The following C8orf34 variants were observed in gnomAD, a reference collection of about 807,000 sequenced individuals.
C8orf34 encodes the protein uncharacterized protein C8orf34.
A neutral mutation model predicts 68.3 loss-of-function variants in C8orf34; 65 were observed. That is an observed-to-expected ratio of 0.95 (90% CI 0.78 to 1.17). The LOEUF (loss-of-function observed/expected upper bound fraction) is 1.17, where lower values mean the gene tolerates loss of function less well. Ranked by LOEUF, C8orf34 falls within the 50% of genes most tolerant of loss-of-function variation. The pLI is 0.00. For synonymous variants in C8orf34, 244 were observed against 241.2 expected, an observed-to-expected ratio of 1.01 and a Z score of -0.11; for missense variants, 664 against 655.4, an observed-to-expected ratio of 1.01 and a Z score of -0.14.
intron 8 of C8orf34, among the ~76,000 whole-genome samples, chr8:68,689,234 G>T (rs1041136335): frequency 1.3e-5 from 2 of 151,946 alleles, no homozygotes; most frequent in African/African-American, 4.8e-5. Context: ...GGACTTTGTG[G>T]ACTCGATGGA....
At chr8:68,713,672 C>T (rs973404687) in intron 9 of C8orf34, among the ~76,000 whole-genome samples, 3 of 151,956 alleles carry the variant, frequency 2.0e-5, no homozygotes, top group Non-Finnish European at 2.9e-5. Flanking sequence ...AAAAAAATTG[C>T]CAATAAAAAT....
intron 1 of C8orf34, among the ~76,000 whole-genome samples, chr8:68,374,886 G>T (rs188295510): frequency 6.6e-6 from 1 of 152,270 alleles, no homozygotes; most frequent in African/African-American, 2.4e-5. Context: ...TTTACTCAAT[G>T]ATAAAGTAAG....
chr8:68,362,734 A>T (rs1344225721), intron 1 of C8orf34, among the ~76,000 whole-genome samples: 1 of 151,714 alleles, frequency 6.6e-6, no homozygotes, highest in Non-Finnish European at 1.5e-5. Context: ...CACACCAAAA[A>T]CCCATCTGTA....
chr8:68,633,687 T>C (rs982671239), intron 7 of C8orf34, among the ~76,000 whole-genome samples: 1 of 152,070 alleles, frequency 6.6e-6, no homozygotes, highest in Admixed American at 6.5e-5. Flanking sequence ...ATCTCCCATA[T>C]CTATGGCACT....
chr8:68,448,471 T>A (rs1000112020), intron 3 of C8orf34, among the ~76,000 whole-genome samples: 9 of 152,166 alleles, frequency 5.9e-5, no homozygotes, highest in African/African-American at 2.2e-4. Flanking sequence ...AATATCTCTG[T>A]ACGTAGATTG....
chr8:68,534,918 T>A (rs773026257), intron 7 of C8orf34: 7 of 985,280 alleles, frequency 7.1e-6, no homozygotes, highest in Non-Finnish European at 8.4e-6. Context: ...CCTCATTAAT[T>A]CTTTTTTTAG....
intron 1 of C8orf34, among the ~76,000 whole-genome samples, chr8:68,410,269 G>C (rs1186167024): frequency 6.6e-6 from 1 of 152,096 alleles, no homozygotes; most frequent in Non-Finnish European, 1.5e-5. Flanking sequence ...GTACAATACA[G>C]TTGGCCCTCT....
At chr8:68,541,645 G>C (rs898901499) in intron 7 of C8orf34, among the ~76,000 whole-genome samples, 1 of 152,142 alleles carries the variant, frequency 6.6e-6, no homozygotes, top group Non-Finnish European at 1.5e-5. Context: ...AAATATCTCA[G>C]TTAGAAATGC....
intron 5 of C8orf34, among the ~76,000 whole-genome samples, chr8:68,503,789 C>T (rs1011292512): frequency 6.6e-6 from 1 of 151,640 alleles, no homozygotes; most frequent in Non-Finnish European, 1.5e-5. Context: ...TAAACGTTCA[C>T]CTCTTGGGTT....
At chr8:68,527,571 CA>C (rs963327729) in intron 6 of C8orf34, among the ~76,000 whole-genome samples, 2 of 151,834 alleles carry the variant, frequency 1.3e-5, no homozygotes, top group Non-Finnish European at 1.5e-5. Context: ...GACTCCGTCT[CA>C]AAAAAATAAA....
intron 5 of C8orf34, among the ~76,000 whole-genome samples, chr8:68,508,724 G>A (rs191872709): frequency 6.6e-6 from 1 of 152,290 alleles, no homozygotes; most frequent in East Asian, 1.9e-4. Flanking sequence ...TGGCGGACAA[G>A]CATAGGTGTG....
At chr8:68,603,545 C>A (rs1250212148) in intron 7 of C8orf34, among the ~76,000 whole-genome samples, 2,447 of 90,510 alleles carry the variant, frequency 0.027, 94 homozygotes, top group African/African-American at 0.18. Context: ...ATCTATCTAT[C>A]TATCTATCTA....
intron 11 of C8orf34, among the ~76,000 whole-genome samples, chr8:68,784,088 CCT>C (rs1823773607): frequency 3.3e-5 from 5 of 151,986 alleles, no homozygotes; most frequent in Admixed American, 3.3e-4. Context: ...ACAGGTTTTC[CCT>C]GTCATTTTCT....
intron 1 of C8orf34, among the ~76,000 whole-genome samples, chr8:68,351,499 G>T (rs1235974205): frequency 6.6e-6 from 1 of 151,994 alleles, no homozygotes; most frequent in East Asian, 1.9e-4. Flanking sequence ...TTTGACTACT[G>T]ACCTCTCTAG....
intron 8 of C8orf34, among the ~76,000 whole-genome samples, chr8:68,705,879 A>G (rs1821149870): frequency 1.3e-5 from 2 of 152,340 alleles, no homozygotes; most frequent in African/African-American, 4.8e-5. Flanking sequence ...TCTTTCCAGC[A>G]TAATGGATAG....
chr8:68,409,921 A>G (rs769991890), intron 1 of C8orf34, among the ~76,000 whole-genome samples: 4 of 152,174 alleles, frequency 2.6e-5, no homozygotes, highest in Non-Finnish European at 1.5e-5. Flanking sequence ...AATTGCCTGA[A>G]GTATTCAGTA....
intron 8 of C8orf34, among the ~76,000 whole-genome samples, chr8:68,701,666 T>A (rs1361855720): frequency 2.0e-5 from 3 of 152,032 alleles, no homozygotes; most frequent in Non-Finnish European, 4.4e-5. Flanking sequence ...GCTCCTACAG[T>A]CTATTATCAA....
chr8:68,768,559 G>A (rs1241105315), intron 10 of C8orf34, among the ~76,000 whole-genome samples: 1 of 152,032 alleles, frequency 6.6e-6, no homozygotes. Flanking sequence ...GGTTCTCAAT[G>A]AAAAGTGACT....
intron 7 of C8orf34, among the ~76,000 whole-genome samples, chr8:68,626,976 G>A (rs1469972834): frequency 6.6e-6 from 1 of 152,064 alleles, no homozygotes; most frequent in South Asian, 2.1e-4. Flanking sequence ...ATCCAGAGAA[G>A]TGTCCTGGGA....
Sources: gnomAD v4.1 joint callset for allele counts (sites outside exome capture counted in the v4.1 genomes callset) on GRCh38, gnomAD v4.1.1 for gene constraint, MANE v1.5 for transcripts, NCBI Gene and HGNC (gene_info 2026-07-23, HGNC 2026-07-21) for gene names.